The following BSN variants were observed in gnomAD, a reference collection of about 807,000 sequenced individuals.
BSN encodes the protein protein bassoon.
BSN carries 57 observed loss-of-function variants against 264.8 expected under a neutral mutation model. That is an observed-to-expected ratio of 0.22 (90% CI 0.17 to 0.27). BSN has a LOEUF of 0.27. Ranked by LOEUF, BSN falls within the 10% of genes least tolerant of loss-of-function variation. BSN has a pLI of 1.00. For missense variants in BSN, 4,615 were observed against 5,232.5 expected (o/e 0.88, Z 3.64); for synonymous variants, 2,059 against 2,137.3 (o/e 0.96, Z 1.01).
At chr3:49,579,840 A>G (rs1019256851) in intron 1 of BSN, among the ~76,000 whole-genome samples, 2 of 147,828 alleles carry the variant, frequency 1.4e-5, no homozygotes, top group Admixed American at 6.8e-5. Context: ...CAAGATGATC[A>G]TGTAGTTTTT....
intron 2 of BSN, among the ~76,000 whole-genome samples, chr3:49,636,311 C>G (rs978060679): frequency 6.6e-6 from 1 of 152,026 alleles, no homozygotes; most frequent in Non-Finnish European, 1.5e-5. Flanking sequence ...CCAAAGGGTC[C>G]TGGGGATTTT....
intron 2 of BSN, among the ~76,000 whole-genome samples, chr3:49,626,726 C>T (rs1025791874): frequency 2.6e-5 from 4 of 152,218 alleles, no homozygotes; most frequent in Non-Finnish European, 4.4e-5. Context: ...TGGACTGTAC[C>T]GCTATGGGAC....
chr3:49,656,417 T>C lies in BSN; in HGVS notation c.6861T>C (p.Ala2287=). 2 of 1,589,690 alleles carry C rather than the reference T, an allele frequency of 1.3e-6. No individual in the cohort carries two copies. Among genetic ancestry groups the C allele is most frequent in the Non-Finnish European group, 1.7e-6 (2 of 1,167,320 alleles). ...CTGTCTATCTGGGGAAACCTGCTGC[T>C]GCCAAGGCCCCTGGGGCTGGGGGCC... is the stretch of plus-strand genomic sequence containing the variant. ...EGPVYLGKPA[A]AKAPGAGGPS... Residue 2287 remains alanine, a synonymous_variant, in exon 5 of 12, where the codon GCT becomes GCC. Transcript: ENST00000296452.
chr3:49,630,106 G>T (rs1044320418), intron 2 of BSN, among the ~76,000 whole-genome samples: 1 of 152,262 alleles, frequency 6.6e-6, no homozygotes, highest in Non-Finnish European at 1.5e-5. Context: ...GGTGCTGTGA[G>T]TTCAGTACAG....
At chr3:49,572,434 G>A (rs76819867) in intron 1 of BSN, among the ~76,000 whole-genome samples, 1,757 of 152,252 alleles carry the variant, frequency 0.012, 40 homozygotes, top group African/African-American at 0.041. Flanking sequence ...GAAAGTGGGT[G>A]ATATTATAAG....
At chr3:49,570,222 G>C (rs949861139) in intron 1 of BSN, among the ~76,000 whole-genome samples, 1 of 152,164 alleles carries the variant, frequency 6.6e-6, no homozygotes, top group African/African-American at 2.4e-5. Context: ...ACCACCCATA[G>C]AGCAGAGTCA....
chr3:49,598,699 G>T (rs1170375269), intron 1 of BSN, among the ~76,000 whole-genome samples: 1 of 152,116 alleles, frequency 6.6e-6, no homozygotes, highest in East Asian at 1.9e-4. Flanking sequence ...GAGCCACCGT[G>T]CCCGGCCGCC....
chr3:49,591,093 A>G (rs2051973642), intron 1 of BSN, among the ~76,000 whole-genome samples: 1 of 152,076 alleles, frequency 6.6e-6, no homozygotes, highest in African/African-American at 2.4e-5. Context: ...GAAAAAAAGA[A>G]GCTGAGAGGA....
intron 1 of BSN, among the ~76,000 whole-genome samples, chr3:49,614,051 C>CTTTTTTTTTTT (rs35326455): frequency 6.8e-5 from 6 of 87,804 alleles, no homozygotes; most frequent in East Asian, 3.2e-4. Flanking sequence ...GACATTCAGT[C>CTTTTTTTTTTT]TTTTTTTTTT....
In BSN at chr3:49,660,924, A is replaced by T; in HGVS notation, c.9079A>T (p.Thr3027Ser). 6.2e-7 allele frequency: 1 copy of T among 1,610,950 alleles called. No individual in the cohort carries two copies. The highest frequency in any genetic ancestry group is 2.2e-5 in the East Asian group (1 of 44,830). The change falls in exon 6 of 12, where the codon ACT (threonine) becomes TCT (serine). Residue 3027 changes from threonine to serine, a missense_variant. By Grantham distance (58) the Thr-to-Ser change is moderately conservative. Transcript: ENST00000296452. This position sits in a 1 kb window ranked among gnomAD's most constrained non-coding sequence, Gnocchi z 7.1. ...CCAGCTGCGGCTCCAGGGCTGCACC[A>T]CTCCCGCTGGCCAGTTTGTGGACTT... Reference protein sequence around the residue: ...LNQLRLQGCTTPAGQFVDFPA... With the variant: ...LNQLRLQGCTSPAGQFVDFPA...
At chr3:49,583,362 C>T (rs2108017446) in intron 1 of BSN, among the ~76,000 whole-genome samples, 1 of 152,288 alleles carries the variant, frequency 6.6e-6, no homozygotes, top group East Asian at 1.9e-4. Flanking sequence ...CTGCTGAATT[C>T]AGTGTGCTAG....
At chr3:49,588,952 T>A (rs2051955883) in intron 1 of BSN, among the ~76,000 whole-genome samples, 1 of 151,058 alleles carries the variant, frequency 6.6e-6, no homozygotes, top group Non-Finnish European at 1.5e-5. Flanking sequence ...TCTCGCTCTG[T>A]CGCCCAGGCT....
chr3:49,613,334 GA>G (rs1161434029), intron 1 of BSN, among the ~76,000 whole-genome samples: 37 of 149,988 alleles, frequency 2.5e-4, no homozygotes, highest in Non-Finnish European at 5.1e-4. Context: ...GAGAGAGAGA[GA>G]GAGAGAGAGA....
intron 1 of BSN, among the ~76,000 whole-genome samples, chr3:49,571,661 G>GA (rs1446401404): frequency 1.3e-5 from 2 of 152,116 alleles, no homozygotes; most frequent in East Asian, 3.8e-4. Flanking sequence ...AATGAGGACA[G>GA]AGATTGTTCA....
At chr3:49,646,851 G>T (rs2052506258) in intron 3 of BSN, among the ~76,000 whole-genome samples, 1 of 152,190 alleles carries the variant, frequency 6.6e-6, no homozygotes, top group African/African-American at 2.4e-5. Context: ...ACCATGGTGG[G>T]TTTATTTTAT....
Position 49,663,070 on chromosome 3 carries a change from C to T in BSN, c.10912C>T (p.Arg3638Cys), listed in dbSNP as rs200331614. 8.2e-5 allele frequency: 132 copies of T among 1,612,854 alleles called. No homozygotes were observed. Among genetic ancestry groups the T allele is most frequent in the Non-Finnish European group, 1.0e-4 (118 of 1,179,872 alleles). The change falls in exon 7 of 12, where the codon CGC (arginine) becomes TGC (cysteine). Residue 3638 changes from arginine (R) to cysteine (C), a missense_variant. This residue lies in a region of BSN where 3,415 missense variants were observed against 3,866.4 expected (regional missense o/e 0.88). Transcript: ENST00000296452. ...GCCTCATGATGAGGGTGGCCCAGGC[C>T]GCCATGCCTCAGCCAAGGAACACCG... ...LWPHDEGGPG[R>C]HASAKEHRHG...
At chr3:49,570,381 G>T (rs995377777) in intron 1 of BSN, among the ~76,000 whole-genome samples, 1 of 152,116 alleles carries the variant, frequency 6.6e-6, no homozygotes, top group African/African-American at 2.4e-5. Flanking sequence ...CCTCCACTCC[G>T]CCCCTTCCTC....
chr3:49,613,350 A>AGAGAGAGAGAGAC (rs1553662899), intron 1 of BSN, among the ~76,000 whole-genome samples: 4 of 18,052 alleles, frequency 2.2e-4, no homozygotes, highest in South Asian at 2.3e-3. Flanking sequence ...GAGAGAGAGA[A>AGAGAGAGAGAGAC]GGGCTGGCCC....
intron 1 of BSN, among the ~76,000 whole-genome samples, chr3:49,561,754 GGT>G (rs1271607242): frequency 6.6e-6 from 1 of 152,028 alleles, no homozygotes; most frequent in Admixed American, 6.6e-5. Context: ...GCAATACATT[GGT>G]GTTAGCTATA....
Sources: gnomAD v4.1 joint callset for allele counts (sites outside exome capture counted in the v4.1 genomes callset) on GRCh38, gnomAD v4.1.1 for gene constraint, gnomAD v4.1.1 regional missense constraint, Gnocchi (gnomAD v3.1) non-coding constraint, MANE v1.5 for transcripts, NCBI Gene and HGNC (gene_info 2026-07-23, HGNC 2026-07-21) for gene names.